Variants in THSD7A observed in about 807,000 individuals in gnomAD.
THSD7A encodes the protein thrombospondin type 1 domain containing 7A.
In THSD7A, 96 loss-of-function variants were observed where a neutral mutation model predicts 231.3. The observed-to-expected ratio is 0.41, with a 90% CI of 0.35 to 0.49. The LOEUF (loss-of-function observed/expected upper bound fraction) is 0.49. Among genes scored for constraint, THSD7A ranks in the 20% least tolerant of loss-of-function variants. The pLI, the probability that THSD7A is intolerant of heterozygous loss-of-function variation, is 0.05. For missense variants in THSD7A, 2,290 were observed against 2,070.2 expected (o/e 1.11, Z -2.06); for synonymous variants, 940 against 743.3 (o/e 1.26, Z -4.30).
intron 1 of THSD7A, among the ~76,000 whole-genome samples, chr7:11,770,592 TTCTTTGAAATC>T (rs1314118301): frequency 6.6e-6 from 1 of 152,152 alleles, no homozygotes; most frequent in Non-Finnish European, 1.5e-5. Context: ...TACCCACAAC[TTCTTTGAAATC>T]TCTCTTCTAC....
At chr7:11,487,770 G>A (rs1290639518) in intron 6 of THSD7A, among the ~76,000 whole-genome samples, 7 of 152,038 alleles carry the variant, frequency 4.6e-5, no homozygotes, top group Admixed American at 3.9e-4. Flanking sequence ...ACTACCATGA[G>A]AACATCATGG....
At chr7:11,380,087 A>T (rs1222583894) in intron 24 of THSD7A, among the ~76,000 whole-genome samples, 1 of 152,204 alleles carries the variant, frequency 6.6e-6, no homozygotes, top group African/African-American at 2.4e-5. Flanking sequence ...TTTCTTGGAG[A>T]TTCAAAACAA....
intron 1 of THSD7A, among the ~76,000 whole-genome samples, chr7:11,640,891 AGGG>A (rs770006451): frequency 1.6e-4 from 24 of 152,124 alleles, no homozygotes; most frequent in Non-Finnish European, 3.4e-4. Flanking sequence ...CACTCCCTAA[AGGG>A]GTTGAGGAGT....
intron 1 of THSD7A, among the ~76,000 whole-genome samples, chr7:11,682,964 A>T (rs576042193): frequency 6.6e-6 from 1 of 152,124 alleles, no homozygotes; most frequent in South Asian, 2.1e-4. Context: ...CTCTACTAAA[A>T]ATACAAATAT....
At position 11,587,857 on chromosome 7, in the gene THSD7A, T is replaced by C. The variant is rs113853638; in HGVS notation, c.1453+2603A>G. On this transcript the variant is annotated intron_variant, in intron 4 of 27. Coordinates refer to ENST00000423059, the MANE Select transcript of THSD7A (RefSeq NM_015204.3). ...TAAATTTCATATCACTTGCTTTCAGTATTTTTTTGTACTAATACACTTTAT... is the reference window on the plus strand; with the variant it reads ...TAAATTTCATATCACTTGCTTTCAGCATTTTTTTGTACTAATACACTTTAT... Among the ~76,000 whole-genome samples the C allele has an allele frequency of 1.8e-3, 275 of 152,326 alleles. 1 individual carries two copies. Among genetic ancestry groups the C allele is most frequent in the African/African-American group, 6.3e-3 (262 of 41,572 alleles).
At chr7:11,624,787 G>C (rs1781427285) in intron 2 of THSD7A, among the ~76,000 whole-genome samples, 1 of 152,000 alleles carries the variant, frequency 6.6e-6, no homozygotes, top group African/African-American at 2.4e-5. Context: ...TTATTTATTT[G>C]TTTTTCTCTT....
chr7:11,648,662 G>C (rs926528706), intron 1 of THSD7A, among the ~76,000 whole-genome samples: 1 of 151,630 alleles, frequency 6.6e-6, no homozygotes, highest in Non-Finnish European at 1.5e-5. Context: ...GTGTGTGTGT[G>C]TGTGTATCAT....
At chr7:11,492,709 A>C (rs552877932) in intron 6 of THSD7A, among the ~76,000 whole-genome samples, 2 of 152,082 alleles carry the variant, frequency 1.3e-5, no homozygotes, top group African/African-American at 4.8e-5. Flanking sequence ...AGCAATATAA[A>C]TGTAGGAGAC....
intron 1 of THSD7A, among the ~76,000 whole-genome samples, chr7:11,793,637 T>C (rs570000887): frequency 6.6e-6 from 1 of 151,778 alleles, no homozygotes. Flanking sequence ...AAAGGGAATA[T>C]TATGTAGTCA....
chr7:11,503,503 T>A (rs187529055), intron 6 of THSD7A, among the ~76,000 whole-genome samples: 320 of 152,104 alleles, frequency 2.1e-3, no homozygotes, highest in African/African-American at 7.2e-3. Context: ...AAATAAACTA[T>A]CAGCAGAGTA....
At chr7:11,711,977 A>G (rs951953692) in intron 1 of THSD7A, among the ~76,000 whole-genome samples, 2 of 151,092 alleles carry the variant, frequency 1.3e-5, no homozygotes, top group African/African-American at 2.4e-5. Context: ...TCTAGGTGGT[A>G]CAGAACAAAA....
At chr7:11,560,604 C>T (rs1268793589) in intron 4 of THSD7A, among the ~76,000 whole-genome samples, 1 of 152,226 alleles carries the variant, frequency 6.6e-6, no homozygotes, top group East Asian at 1.9e-4. Context: ...GATACCCAGT[C>T]GTAGAATTAT....
intron 4 of THSD7A, among the ~76,000 whole-genome samples, chr7:11,566,055 T>C (rs1790305360): frequency 6.6e-6 from 1 of 150,624 alleles, no homozygotes. Context: ...CTTAAAAAAA[T>C]AGCAGTAAGG....
chr7:11,588,194 C>G (rs1779996632), intron 4 of THSD7A, among the ~76,000 whole-genome samples: 1 of 152,100 alleles, frequency 6.6e-6, no homozygotes, highest in Non-Finnish European at 1.5e-5. Flanking sequence ...AGCCCACAGC[C>G]TAATTGTTCT....
At chr7:11,649,493 A>G (rs1408123018) in intron 1 of THSD7A, among the ~76,000 whole-genome samples, 1 of 152,064 alleles carries the variant, frequency 6.6e-6, no homozygotes, top group African/African-American at 2.4e-5. Context: ...GTATGTTGCC[A>G]TACCCAAAAA....
At chr7:11,804,728 C>G (rs1462320296) in intron 1 of THSD7A, among the ~76,000 whole-genome samples, 1 of 152,162 alleles carries the variant, frequency 6.6e-6, no homozygotes, top group African/African-American at 2.4e-5. Context: ...CTTATGCCAC[C>G]TTTAATGCTT....
intron 1 of THSD7A, among the ~76,000 whole-genome samples, chr7:11,749,114 A>G (rs1373678422): frequency 1.3e-5 from 2 of 152,006 alleles, no homozygotes; most frequent in Non-Finnish European, 2.9e-5. Context: ...GTCATGAGGC[A>G]CATATGGCCC....
chr7:11,674,094 G>A (rs1562464621), intron 1 of THSD7A, among the ~76,000 whole-genome samples: 1 of 151,960 alleles, frequency 6.6e-6, no homozygotes, highest in Non-Finnish European at 1.5e-5. Flanking sequence ...GTTCCCTGGT[G>A]TTCTAACCCT....
In THSD7A at chr7:11,812,016, T is replaced by A. The variant is rs181005045; in HGVS notation, c.190+19741A>T. Reference sequence around the variant, plus strand: ...AACACAGGTGGTCAGACAAGGGAGGTGGGAGAGAAAAGAACCACTGAGCAT... The same window carrying A: ...AACACAGGTGGTCAGACAAGGGAGGAGGGAGAGAAAAGAACCACTGAGCAT... On this transcript the variant is annotated intron_variant, in intron 1 of 27. Transcript: ENST00000423059. 4.3e-3 allele frequency among the ~76,000 whole-genome samples: 639 copies of A among 150,322 alleles called. 2 individuals are homozygous for A. Among genetic ancestry groups the A allele is most frequent in the Non-Finnish European group, 6.9e-3 (467 of 67,674 alleles).
Sources: allele counts gnomAD v4.1 joint callset (sites outside exome capture counted in the v4.1 genomes callset), GRCh38; gene constraint gnomAD v4.1.1; transcripts MANE v1.5; gene names NCBI Gene and HGNC (gene_info 2026-07-23, HGNC 2026-07-21).